The following NEDD9 variants were observed in gnomAD, a reference collection of about 807,000 sequenced individuals.
NEDD9 encodes the protein enhancer of filamentation 1.
Under a neutral mutation model 76.6 loss-of-function variants are expected in NEDD9, and 26 were observed. That is an observed-to-expected ratio of 0.34 (90% CI 0.25 to 0.47). The LOEUF is 0.47. NEDD9 is among the 20% of genes least tolerant of loss of function. The pLI, the probability that NEDD9 is intolerant of heterozygous loss-of-function variation, is 1.00. For missense variants in NEDD9, 937 were observed against 1,058.5 expected (o/e 0.89, Z 1.59); for synonymous variants, 392 against 414.2 (o/e 0.95, Z 0.65).
At chr6:11,380,686 A>T (rs912415085) in intron 1 of NEDD9, among the ~76,000 whole-genome samples, 38 of 152,330 alleles carry the variant, frequency 2.5e-4, no homozygotes, top group African/African-American at 8.7e-4. Flanking sequence ...GCCATTCAAG[A>T]TAGCTCTTTC....
chr6:11,234,604 G>A (rs945258312), upstream of NEDD9, among the ~76,000 whole-genome samples: 3 of 152,030 alleles, frequency 2.0e-5, no homozygotes, highest in African/African-American at 4.8e-5. Flanking sequence ...TAATCTACCC[G>A]AAGTTCATTT....
intron 3 of NEDD9, among the ~76,000 whole-genome samples, chr6:11,253,221 C>T (rs1469082683): frequency 6.6e-6 from 1 of 152,052 alleles, no homozygotes; most frequent in Non-Finnish European, 1.5e-5. Context: ...AACTTACAAC[C>T]CATGTTGATA....
At chr6:11,204,727 AAAAAAAAAAAG>A (rs1308253077) in intron 2 of NEDD9, among the ~76,000 whole-genome samples, 2 of 150,482 alleles carry the variant, frequency 1.3e-5, no homozygotes, top group African/African-American at 4.9e-5. Context: ...CTCAAAAAAA[AAAAAAAAAAAG>A]AAAGAAAGAA....
chr6:11,257,775 C>CTGTGTGTGTGTG (rs3067253), intron 3 of NEDD9, among the ~76,000 whole-genome samples: 3,633 of 143,006 alleles, frequency 0.025, 80 homozygotes, highest in Middle Eastern at 0.073. Flanking sequence ...AATGTAGATT[C>CTGTGTGTGTGTG]TGTGTGTGTG....
intron 1 of NEDD9, among the ~76,000 whole-genome samples, chr6:11,373,800 T>C (rs547904134): frequency 3.9e-5 from 6 of 152,328 alleles, no homozygotes; most frequent in Admixed American, 6.5e-5. Flanking sequence ...AAGATTAACA[T>C]TTAAATGAGT....
chr6:11,210,335 C>G (rs34801872), intron 2 of NEDD9, among the ~76,000 whole-genome samples: 47,437 of 152,022 alleles, frequency 0.31, 7,766 homozygotes, highest in Middle Eastern at 0.49. Context: ...ACCCCGGTGG[C>G]TCAGAATAAG....
chr6:11,317,048 GA>G (rs1248007945), intron 2 of NEDD9, among the ~76,000 whole-genome samples: 1 of 152,198 alleles, frequency 6.6e-6, no homozygotes, highest in African/African-American at 2.4e-5. Flanking sequence ...CAGAGAGAGA[GA>G]ATGTTGAAGA....
chr6:11,306,676 A>G lies in NEDD9; in HGVS notation c.-152-521T>C, dbSNP rs117287915. Reference sequence around the variant, plus strand: ...CTTTATACCAACTTAATATGTTACCACTTTTATCATTTTGAAGCCACAAGA... The same window carrying G: ...CTTTATACCAACTTAATATGTTACCGCTTTTATCATTTTGAAGCCACAAGA... On this transcript the variant is annotated intron_variant, in intron 2 of 3. Coordinates refer to the NEDD9 transcript ENST00000397378. 4.2e-3 allele frequency among the ~76,000 whole-genome samples: 635 copies of G among 152,170 alleles called. 6 individuals are homozygous for G. The East Asian group carries it at 0.053, about 13-fold the overall frequency.
intron 2 of NEDD9, among the ~76,000 whole-genome samples, chr6:11,327,675 C>T (rs1761957676): frequency 6.6e-6 from 1 of 152,186 alleles, no homozygotes; most frequent in Non-Finnish European, 1.5e-5. Flanking sequence ...AGAGGGCCTG[C>T]TGGAAGTCAG....
chr6:11,259,935 A>AACACACACACAC (rs55634199), intron 3 of NEDD9, among the ~76,000 whole-genome samples: 15,506 of 142,420 alleles, frequency 0.11, 1,283 homozygotes, highest in African/African-American at 0.23. Flanking sequence ...CTGCGCCCTT[A>AACACACACACAC]ACACACACAC....
chr6:11,251,158 C>G (rs952910765), intron 3 of NEDD9: 2 of 152,166 alleles, frequency 1.3e-5, no homozygotes, highest in African/African-American at 4.8e-5. Context: ...TTAATTCTCT[C>G]AACATGGAAA....
chr6:11,186,364 G>A (rs918388701), intron 6 of NEDD9, among the ~76,000 whole-genome samples: 36 of 152,344 alleles, frequency 2.4e-4, no homozygotes, highest in African/African-American at 8.7e-4. Context: ...CCCAGAGTCA[G>A]ATGCATCAGG....
chr6:11,212,352 C>T (rs965599006), intron 2 of NEDD9, among the ~76,000 whole-genome samples: 2 of 152,198 alleles, frequency 1.3e-5, no homozygotes, highest in African/African-American at 2.4e-5. Flanking sequence ...GTGTTACCCC[C>T]GATCAGTCCA....
At chr6:11,298,403 T>A (rs558182093) in intron 3 of NEDD9, among the ~76,000 whole-genome samples, 1 of 152,206 alleles carries the variant, frequency 6.6e-6, no homozygotes, top group Non-Finnish European at 1.5e-5. Context: ...TGACTCAACA[T>A]AGATAATTCT....
intron 3 of NEDD9, among the ~76,000 whole-genome samples, chr6:11,239,857 A>C (rs569726457): frequency 3.2e-4 from 49 of 152,178 alleles, no homozygotes; most frequent in African/African-American, 1.1e-3. Context: ...CATCCTGGCC[A>C]ACATGGTGAA....
chr6:11,214,219 CA>C (rs1464797548), intron 1 of NEDD9: 1 of 518,090 alleles, frequency 1.9e-6, no homozygotes, highest in African/African-American at 1.9e-5. Context: ...GTTGAAAAGC[CA>C]ATAGAAGTAC....
At chr6:11,223,676 G>A (rs183085562) in intron 1 of NEDD9, among the ~76,000 whole-genome samples, 104 of 152,328 alleles carry the variant, frequency 6.8e-4, no homozygotes, top group African/African-American at 2.1e-3. Context: ...GCTATGAGGC[G>A]AGAGCGCCCA....
At chr6:11,330,544 C>A (rs1762013808) in intron 2 of NEDD9, among the ~76,000 whole-genome samples, 1 of 152,170 alleles carries the variant, frequency 6.6e-6, no homozygotes, top group Non-Finnish European at 1.5e-5. Context: ...TCCTCATATA[C>A]ACTCTGCTGA....
intron 3 of NEDD9, among the ~76,000 whole-genome samples, chr6:11,265,521 A>C (rs1277604149): frequency 1.3e-5 from 2 of 152,234 alleles, no homozygotes; most frequent in Admixed American, 6.5e-5. Context: ...GAACAATTGG[A>C]TCAATTAATG....
Sources: allele counts gnomAD v4.1 joint callset (sites outside exome capture counted in the v4.1 genomes callset), GRCh38; gene constraint gnomAD v4.1.1; transcripts MANE v1.5; gene names NCBI Gene and HGNC (gene_info 2026-07-23, HGNC 2026-07-21).